The following RALGAPA1 variants were observed in gnomAD, a reference collection of about 807,000 sequenced individuals.
RALGAPA1 encodes ral GTPase-activating protein subunit alpha-1.
RALGAPA1 carries 52 observed loss-of-function variants against 269.6 expected under a neutral mutation model. The ratio of observed to expected loss-of-function variants is 0.19; its 90% CI spans 0.15 to 0.24. The LOEUF (loss-of-function observed/expected upper bound fraction) is 0.24, where lower values mean the gene tolerates loss of function less well. Among genes scored for constraint, RALGAPA1 ranks in the 10% least tolerant of loss-of-function variants. The pLI is 1.00. For missense variants in RALGAPA1, 1,917 were observed against 3,013.9 expected, an observed-to-expected ratio of 0.64 and a Z score of 8.52; for synonymous variants, 817 against 1,008.3, an observed-to-expected ratio of 0.81 and a Z score of 3.60.
At chr14:35,613,965 T>C (rs2060104602) in intron 35 of RALGAPA1, among the ~76,000 whole-genome samples, 1 of 152,142 alleles carries the variant, frequency 6.6e-6, no homozygotes, top group Non-Finnish European at 1.5e-5. Flanking sequence ...TCATGAGATA[T>C]TTTAGGCTGA....
At chr14:35,593,946 C>T (rs552759007) in intron 37 of RALGAPA1, among the ~76,000 whole-genome samples, 1 of 152,044 alleles carries the variant, frequency 6.6e-6, no homozygotes, top group African/African-American at 2.4e-5. Context: ...GAAGCATATA[C>T]CAGTGGAACA....
At chr14:35,712,072 C>T (rs533654120) in intron 16 of RALGAPA1, among the ~76,000 whole-genome samples, 19 of 152,016 alleles carry the variant, frequency 1.2e-4, no homozygotes, top group Admixed American at 2.6e-4. Context: ...CATGGTGAAA[C>T]GCCATCTCTA....
intron 7 of RALGAPA1, 33 bp from the exon 8 acceptor site, chr14:35,752,195 A>C: frequency 6.8e-7 from 1 of 1,467,936 alleles, no homozygotes; most frequent in South Asian, 1.4e-5. Flanking sequence ...GAATCATTCC[A>C]GAAGAAAGAA....
At chr14:35,605,915 T>G (rs2059570162) in intron 35 of RALGAPA1, among the ~76,000 whole-genome samples, 1 of 152,086 alleles carries the variant, frequency 6.6e-6, no homozygotes, top group South Asian at 2.1e-4. Context: ...CACGATCACT[T>G]TTGACTGCAA....
chr14:35,575,903 T>C (rs2057529144), intron 37 of RALGAPA1, among the ~76,000 whole-genome samples: 2 of 152,164 alleles, frequency 1.3e-5, no homozygotes, highest in Non-Finnish European at 2.9e-5. Flanking sequence ...CCCCATTTCA[T>C]TTTTAAAGAG....
At chr14:35,722,044 T>C (rs2069467251) in intron 15 of RALGAPA1, among the ~76,000 whole-genome samples, 195 bp from the exon 16 acceptor site, 2 of 152,144 alleles carry the variant, frequency 1.3e-5, no homozygotes, top group African/African-American at 4.8e-5. Flanking sequence ...TGATGCGCAA[T>C]TTTAAAATTA....
At chr14:35,763,008 C>T (rs2141385172) in intron 4 of RALGAPA1, among the ~76,000 whole-genome samples, 1 of 152,164 alleles carries the variant, frequency 6.6e-6, no homozygotes, top group East Asian at 1.9e-4. Context: ...GCATTTAACA[C>T]AACAATCTAT....
rs532217783 is a variant in RALGAPA1 at position 35,653,146 on chromosome 14, T to C, written c.5607+1221A>G. Among the ~76,000 whole-genome samples the C allele has an allele frequency of 2.1e-3, 326 of 152,274 alleles. 4 individuals carry two copies. Among genetic ancestry groups the C allele is most frequent in the African/African-American group, 7.5e-3 (313 of 41,554 alleles). On this transcript the variant is annotated intron_variant, in intron 30 of 41. Coordinates refer to ENST00000680220, the MANE Select transcript of RALGAPA1 (RefSeq NM_001346249.2). ...GAGTCCTGTTCTCTTGGCTTATGAC[T>C]CTTATGTAGTTATTAAATCCTCAGT...
rs1432570150 is a variant in RALGAPA1, at chr14:35,808,808, C to A, written c.28G>T (p.Val10Leu). Reference protein sequence around the residue: MFSKKPHGDVKKSTQKVLDT... With the variant: MFSKKPHGDLKKSTQKVLDT... ...AGCACCTTCTGGGTGGACTTCTTCA[C>A]GTCCCCGTGCGGCTTCTTGGAGAAC... The change falls in exon 1 of 42, where the codon GTG becomes TTG. Residue 10 changes from valine (V) to leucine (L), a missense_variant. Physicochemically the swap from Val to Leu is conservative, Grantham distance 32 (BLOSUM62 1). Around this residue, in one of 11 missense-constraint regions of RALGAPA1, gnomAD observed 462 missense variants for 725.6 expected, o/e 0.64. Coordinates refer to ENST00000680220, the MANE Select transcript of RALGAPA1 (RefSeq NM_001346249.2). The A allele has an allele frequency of 4.3e-6, 7 of 1,611,778 alleles. No individual in the cohort carries two copies. The highest frequency in any genetic ancestry group is 4.5e-5 in the East Asian group (2 of 44,870).
At chr14:35,683,508 T>C (rs1444505237) in intron 21 of RALGAPA1, 3 of 201,026 alleles carry the variant, frequency 1.5e-5, no homozygotes, top group Admixed American at 5.4e-5. Flanking sequence ...TCCATATACA[T>C]ATACATCTAT....
At chr14:35,578,979 T>C (rs931824462) in intron 37 of RALGAPA1, among the ~76,000 whole-genome samples, 2 of 152,178 alleles carry the variant, frequency 1.3e-5, no homozygotes, top group African/African-American at 4.8e-5. Context: ...TAAACTTACA[T>C]GCTGATAAAT....
At chr14:35,803,859 A>C (rs2141952841) in intron 1 of RALGAPA1, among the ~76,000 whole-genome samples, 1 of 151,736 alleles carries the variant, frequency 6.6e-6, no homozygotes, top group East Asian at 1.9e-4. Context: ...CCTGACCTCA[A>C]GTGAGCCACC....
intron 39 of RALGAPA1, among the ~76,000 whole-genome samples, chr14:35,554,038 G>A (rs2055289301): frequency 6.6e-6 from 1 of 152,128 alleles, no homozygotes; most frequent in Non-Finnish European, 1.5e-5. Flanking sequence ...CACAGGAAGA[G>A]GGAGTGTTCC....
intron 1 of RALGAPA1, among the ~76,000 whole-genome samples, chr14:35,797,753 G>A (rs2076682734): frequency 6.6e-6 from 1 of 150,922 alleles, no homozygotes; most frequent in South Asian, 2.1e-4. Flanking sequence ...GCTGAGGCAG[G>A]AGAATTGCTT....
intron 5 of RALGAPA1, among the ~76,000 whole-genome samples, chr14:35,762,362 TCTC>T (rs1415128899): frequency 6.6e-6 from 1 of 152,132 alleles, no homozygotes; most frequent in African/African-American, 2.4e-5. Flanking sequence ...TTCAAGCAAT[TCTC>T]CTGCTTCAGC....
intron 6 of RALGAPA1, 129 bp downstream of exon 6, chr14:35,760,700 T>C (rs2073624562): frequency 1.6e-6 from 1 of 608,940 alleles, no homozygotes; most frequent in Admixed American, 3.2e-5. Context: ...TGAATAATAA[T>C]AAAAGCTATG....
At chr14:35,597,766 A>G (rs2059017656) in intron 36 of RALGAPA1, among the ~76,000 whole-genome samples, 1 of 152,240 alleles carries the variant, frequency 6.6e-6, no homozygotes, top group South Asian at 2.1e-4. Context: ...TATAACTATC[A>G]TTTCAAGAAT....
In RALGAPA1 at chr14:35,742,376, T is replaced by G; in HGVS notation, c.1441A>C (p.Arg481=). ...HDISMEEGEK[R]EEENGTNTAD... ...AAATCTTATAACTTCACCTCTTCTC[T>G]TTTTTCTCCTTCTTCCATTGAAATA... is the stretch of plus-strand genomic sequence containing the variant. The change falls in exon 11 of 42, where the codon AGA becomes CGA. Residue 481 remains arginine (R), a synonymous_variant. Coordinates refer to ENST00000680220, the MANE Select transcript of RALGAPA1 (RefSeq NM_001346249.2). 1 of 1,586,944 alleles carries G rather than the reference T, an allele frequency of 6.3e-7. No individual in the cohort carries two copies. Among genetic ancestry groups the G allele is most frequent in the Non-Finnish European group, 8.6e-7 (1 of 1,162,778 alleles).
intron 37 of RALGAPA1, among the ~76,000 whole-genome samples, chr14:35,576,156 A>G (rs1422882812): frequency 6.6e-6 from 1 of 152,182 alleles, no homozygotes; most frequent in African/African-American, 2.4e-5. Context: ...TAATATTTCT[A>G]TTAAACTTGT....
Sources: allele counts gnomAD v4.1 joint callset (sites outside exome capture counted in the v4.1 genomes callset), GRCh38; gene constraint gnomAD v4.1.1; regional missense constraint gnomAD v4.1.1; transcripts MANE v1.5; gene names NCBI Gene and HGNC (gene_info 2026-07-23, HGNC 2026-07-21).